Variants in AGBL4 observed in about 807,000 individuals in gnomAD.
AGBL4 encodes cytosolic carboxypeptidase 6.
Under a neutral mutation model 66.4 loss-of-function variants are expected in AGBL4, and 58 were observed. The ratio of observed to expected loss-of-function variants is 0.87; its 90% CI spans 0.71 to 1.09. AGBL4 has a LOEUF of 1.09. Ranked by LOEUF, AGBL4 falls within the 50% of genes least tolerant of loss-of-function variation. AGBL4 has a pLI of 0.00. For missense variants in AGBL4, 579 were observed against 631.0 expected (o/e 0.92, Z 0.88); for synonymous variants, 234 against 222.9 (o/e 1.05, Z -0.44).
chr1:49,495,675 A>C (rs1422996799), intron 3 of AGBL4, among the ~76,000 whole-genome samples: 1 of 152,074 alleles, frequency 6.6e-6, no homozygotes, highest in Non-Finnish European at 1.5e-5. Flanking sequence ...AGGGGTCTTA[A>C]TGGTTTTTAA....
At chr1:48,586,557 G>C (rs1212567922) in intron 11 of AGBL4, 2 of 172,828 alleles carry the variant, frequency 1.2e-5, no homozygotes, top group East Asian at 3.4e-4. Flanking sequence ...GAGAAAGTGG[G>C]AGAGGATAGG....
At chr1:49,712,158 T>A (rs374994922) in intron 2 of AGBL4, among the ~76,000 whole-genome samples, 1 of 152,064 alleles carries the variant, frequency 6.6e-6, no homozygotes, top group South Asian at 2.1e-4. Flanking sequence ...AATAATATGG[T>A]ACAATATTAA....
intron 5 of AGBL4, among the ~76,000 whole-genome samples, chr1:49,013,179 G>A (rs549982353): frequency 6.6e-6 from 1 of 152,354 alleles, no homozygotes; most frequent in African/African-American, 2.4e-5. Flanking sequence ...GAATAAGACA[G>A]TGAGCATGAC....
At chr1:49,553,794 T>A (rs1653167228) in intron 3 of AGBL4, among the ~76,000 whole-genome samples, 1 of 152,222 alleles carries the variant, frequency 6.6e-6, no homozygotes, top group African/African-American at 2.4e-5. Flanking sequence ...TGTTCCCTTT[T>A]AAACACTTCT....
chr1:49,733,178 A>G (rs544267532), intron 2 of AGBL4, among the ~76,000 whole-genome samples: 203 of 152,318 alleles, frequency 1.3e-3, no homozygotes, highest in Non-Finnish European at 2.4e-3. Flanking sequence ...AAAATTCTAT[A>G]ACCACCCAAC....
At chr1:49,159,682 C>T (rs868650254) in intron 4 of AGBL4, among the ~76,000 whole-genome samples, 4 of 152,244 alleles carry the variant, frequency 2.6e-5, no homozygotes, top group East Asian at 1.9e-4. Flanking sequence ...ATTCTCCCCC[C>T]GTCACTTTCA....
At chr1:49,561,562 G>GT (rs1644045492) in intron 3 of AGBL4, among the ~76,000 whole-genome samples, 1 of 151,796 alleles carries the variant, frequency 6.6e-6, no homozygotes, top group Non-Finnish European at 1.5e-5. Flanking sequence ...GTGGTTTTTG[G>GT]TTTTTTGTCC....
intron 5 of AGBL4, among the ~76,000 whole-genome samples, chr1:49,006,287 T>C (rs1272802418): frequency 1.3e-5 from 2 of 151,924 alleles, no homozygotes; most frequent in African/African-American, 2.4e-5. Flanking sequence ...GAAAATCGGG[T>C]CACTCCCACC....
intron 3 of AGBL4, among the ~76,000 whole-genome samples, chr1:49,526,472 G>A (rs544653672): frequency 1.3e-5 from 2 of 151,640 alleles, no homozygotes; most frequent in South Asian, 4.2e-4. Context: ...CTTAATAAGA[G>A]AAAAAAAAGA....
intron 3 of AGBL4, among the ~76,000 whole-genome samples, chr1:49,262,600 A>T (rs1343547547): frequency 1.1e-4 from 17 of 151,888 alleles, no homozygotes; most frequent in Non-Finnish European, 1.6e-4. Flanking sequence ...TCAAAACCAC[A>T]ATGAGATACC....
chr1:48,544,170 T>C lies in AGBL4; in HGVS notation c.1268-4432A>G, dbSNP rs142959344. Among the ~76,000 whole-genome samples the C allele has an allele frequency of 3.6e-3, 549 of 152,338 alleles. 2 individuals are homozygous for C. Among genetic ancestry groups the C allele is most frequent in the African/African-American group, 0.012 (513 of 41,574 alleles). ...TCCTCTGGATGTGACTGACCTCCTC[T>C]GTCCTCTTGTTTAAAAAGTTCACAA... On this transcript the variant is annotated intron_variant, in intron 11 of 13. Transcript: ENST00000371839.
At chr1:49,061,541 A>G (rs1255387298) in intron 4 of AGBL4, among the ~76,000 whole-genome samples, 1 of 152,170 alleles carries the variant, frequency 6.6e-6, no homozygotes, top group African/African-American at 2.4e-5. Flanking sequence ...GGAATGTCTA[A>G]TACAGAGAAA....
At chr1:49,563,672 G>T (rs1336904621) in intron 3 of AGBL4, among the ~76,000 whole-genome samples, 1 of 152,082 alleles carries the variant, frequency 6.6e-6, no homozygotes, top group Non-Finnish European at 1.5e-5. Context: ...CTTGATCATG[G>T]TGGATAAGCT....
chr1:50,010,962 C>A (rs1191246704), intron 1 of AGBL4, among the ~76,000 whole-genome samples: 1 of 152,032 alleles, frequency 6.6e-6, no homozygotes, highest in Non-Finnish European at 1.5e-5. Context: ...CAAAAATGGA[C>A]AAATGGGATC....
chr1:49,165,028 G>C (rs1646608523), intron 4 of AGBL4, among the ~76,000 whole-genome samples: 1 of 152,108 alleles, frequency 6.6e-6, no homozygotes, highest in African/African-American at 2.4e-5. Flanking sequence ...CTCCAAAACA[G>C]CTCCTAAATG....
chr1:49,623,797 C>G (rs1203549994), intron 3 of AGBL4, among the ~76,000 whole-genome samples: 10 of 152,206 alleles, frequency 6.6e-5, no homozygotes, highest in Non-Finnish European at 1.5e-5. Flanking sequence ...CACTTTTAAA[C>G]ACCATATCCC....
At chr1:49,599,730 G>T (rs984921831) in intron 3 of AGBL4, among the ~76,000 whole-genome samples, 1 of 151,980 alleles carries the variant, frequency 6.6e-6, no homozygotes, top group Non-Finnish European at 1.5e-5. Flanking sequence ...GATCTTTCTC[G>T]CTTTCTCCTG....
At chr1:49,492,336 T>TGGGCAGGACAGATGAGG (rs1647205764) in intron 3 of AGBL4, among the ~76,000 whole-genome samples, 1 of 151,966 alleles carries the variant, frequency 6.6e-6, no homozygotes, top group Non-Finnish European at 1.5e-5. Flanking sequence ...ATTGATGTTC[T>TGGGCAGGACAGATGAGG]GGGCAGGACA....
At chr1:48,543,683 T>C (rs535746936) in intron 11 of AGBL4, among the ~76,000 whole-genome samples, 2 of 152,254 alleles carry the variant, frequency 1.3e-5, no homozygotes, top group Admixed American at 1.3e-4. Flanking sequence ...GATGGACAAG[T>C]GTTTGAGAAA....
Sources: gnomAD v4.1 joint callset for allele counts (sites outside exome capture counted in the v4.1 genomes callset) on GRCh38, gnomAD v4.1.1 for gene constraint, MANE v1.5 for transcripts, NCBI Gene and HGNC (gene_info 2026-07-23, HGNC 2026-07-21) for gene names.